HPSE2: variants seen among roughly 807,000 people sequenced by gnomAD.
HPSE2 encodes inactive heparanase-2.
Under a neutral mutation model 60.5 loss-of-function variants are expected in HPSE2, and 38 were observed. That is an observed-to-expected ratio of 0.63 (90% CI 0.48 to 0.82). HPSE2 has a LOEUF of 0.82. Among genes scored for constraint, HPSE2 ranks in the 40% least tolerant of loss-of-function variants. The pLI, the probability that HPSE2 is intolerant of heterozygous loss-of-function variation, is 0.00. For missense variants in HPSE2, 713 were observed against 740.4 expected (o/e 0.96, Z 0.43); for synonymous variants, 295 against 293.2 (o/e 1.01, Z -0.06).
rs185596902 is a variant in HPSE2, at chr10:98,832,812, T to C, written c.611-88756A>G. Among the ~76,000 whole-genome samples, 175 of 152,324 alleles carry C rather than the reference T, an allele frequency of 1.1e-3. 3 individuals are homozygous for C. Among genetic ancestry groups the C allele is most frequent in the African/African-American group, 3.9e-3 (163 of 41,572 alleles). ...AAAATGTGTATACTAGGTCATGAGC[T>C]AATTTTGCAAGAGAATATTATGTGA... On this transcript the variant is annotated intron_variant, in intron 3 of 11. Coordinates refer to ENST00000370552, the MANE Select transcript of HPSE2 (RefSeq NM_021828.5).
intron 2 of HPSE2, among the ~76,000 whole-genome samples, chr10:99,184,511 C>CA (rs1847896400): frequency 1.2e-5 from 1 of 85,280 alleles, no homozygotes; most frequent in Non-Finnish European, 2.1e-5. Context: ...GGCAACAGAG[C>CA]GAGACTGTCT....
At chr10:99,289,173 T>G in the HPSE2 span, among the ~76,000 whole-genome samples, 2 of 152,130 alleles carry the variant, frequency 1.3e-5, no homozygotes, top group African/African-American at 4.8e-5. Flanking sequence ...GCAGCTGATG[T>G]TTGAAACCAT....
At chr10:98,755,101 A>G (rs1431223471) in intron 3 of HPSE2, among the ~76,000 whole-genome samples, 3 of 152,094 alleles carry the variant, frequency 2.0e-5, no homozygotes, top group African/African-American at 7.2e-5. Context: ...AAGAAGCAAG[A>G]CCCAACTATA....
chr10:99,236,442 G>A (rs538605260), upstream of HPSE2, among the ~76,000 whole-genome samples: 1 of 152,218 alleles, frequency 6.6e-6, no homozygotes, highest in Non-Finnish European at 1.5e-5. Flanking sequence ...GACAGCGTCA[G>A]GCACTTCGTC....
intron 3 of HPSE2, among the ~76,000 whole-genome samples, chr10:98,925,749 T>TA (rs1954438935): frequency 1.3e-5 from 2 of 152,202 alleles, no homozygotes; most frequent in Non-Finnish European, 2.9e-5. Flanking sequence ...GGTTATTGTG[T>TA]AAAACCTTTC....
At chr10:98,693,035 G>A (rs375747669) in intron 6 of HPSE2, among the ~76,000 whole-genome samples, 3 of 152,204 alleles carry the variant, frequency 2.0e-5, no homozygotes, top group East Asian at 3.9e-4. Flanking sequence ...TCAAACAGAG[G>A]ATAGACAGAA....
Position 98,459,788 on chromosome 10 carries a change from G to A in HPSE2, c.1614-49C>T, listed in dbSNP as rs749956816. ...GGACTCATTATTGCATTATAAGGGA[G>A]CCACTGCAACAAAGCCTAGCCCCAG... On this transcript the variant is annotated intron_variant, in intron 11 of 11. Transcript: ENST00000370552. 8 of 1,556,172 alleles carry A rather than the reference G, an allele frequency of 5.1e-6. No individual in the cohort carries two copies. The South Asian group carries it at 9.3e-5, about 18-fold the overall frequency.
rs539195702 is a variant in HPSE2 at position 99,015,672 on chromosome 10, G to A, written c.610+128566C>T. 6.8e-3 allele frequency among the ~76,000 whole-genome samples: 1,038 copies of A among 151,824 alleles called. 17 individuals are homozygous for A. Among genetic ancestry groups the A allele is most frequent in the African/African-American group, 0.024 (995 of 41,362 alleles). On this transcript the variant is annotated intron_variant, in intron 3 of 11. Coordinates refer to ENST00000370552, the MANE Select transcript of HPSE2 (RefSeq NM_021828.5). ...ATCAAACACCGGGGCCTGTTGTGGG[G>A]TGGGGGGAGAGGGGAGGGATAGCAT...
intron 9 of HPSE2, among the ~76,000 whole-genome samples, chr10:98,526,333 G>A (rs1170067980): frequency 6.6e-6 from 1 of 152,188 alleles, no homozygotes; most frequent in African/African-American, 2.4e-5. Context: ...GAAATAGAAT[G>A]TGTGTAAGTC....
intron 3 of HPSE2, among the ~76,000 whole-genome samples, chr10:98,901,097 A>G (rs1195343238): frequency 6.6e-6 from 1 of 152,192 alleles, no homozygotes; most frequent in Non-Finnish European, 1.5e-5. Flanking sequence ...AAAGACCTCC[A>G]GACACAAAGA....
chr10:98,766,795 C>T (rs1950128802), intron 3 of HPSE2, among the ~76,000 whole-genome samples: 1 of 151,970 alleles, frequency 6.6e-6, no homozygotes, highest in East Asian at 1.9e-4. Context: ...CATGGTGGTG[C>T]ACACCTGTAG....
intron 3 of HPSE2, among the ~76,000 whole-genome samples, chr10:99,115,108 G>A (rs182941478): frequency 1.1e-4 from 17 of 151,262 alleles, no homozygotes; most frequent in East Asian, 1.9e-4. Context: ...CTGAGCCAAC[G>A]GGGAAGCTGG....
rs1185533747 is a variant in HPSE2 at position 98,744,016 on chromosome 10, A to T, written c.651T>A (p.Ser217=). Residue 217 remains serine, a synonymous_variant, in exon 4 of 12, where the codon TCT becomes TCA. Coordinates refer to ENST00000370552, the MANE Select transcript of HPSE2 (RefSeq NM_021828.5). Reference sequence around the variant, plus strand: ...TTAGAGCAAATATCAGGTGGAGTCCAGAGCAATCAGCAAAGTTATAAAGTT... The same window carrying T: ...TTAGAGCAAATATCAGGTGGAGTCCTGAGCAATCAGCAAAGTTATAAAGTT... ...LDKLYNFADC[S]GLHLIFALNA... is the part of the protein sequence containing the mutation. 6.2e-7 allele frequency: 1 copy of T among 1,614,058 alleles called. No individual in the cohort carries two copies. Among genetic ancestry groups the T allele is most frequent in the African/African-American group, 1.3e-5 (1 of 74,948 alleles).
the HPSE2 span, among the ~76,000 whole-genome samples, chr10:99,315,006 A>G: frequency 6.6e-6 from 1 of 152,258 alleles, no homozygotes; most frequent in Non-Finnish European, 1.5e-5. Context: ...CTTCAGGACC[A>G]GCACCAATTT....
intron 3 of HPSE2, among the ~76,000 whole-genome samples, chr10:98,894,945 G>T (rs371479921): frequency 6.6e-5 from 10 of 152,062 alleles, no homozygotes; most frequent in African/African-American, 2.4e-4. Context: ...AACAATGGAT[G>T]CCAAAAGATA....
intron 9 of HPSE2, among the ~76,000 whole-genome samples, chr10:98,605,727 A>C (rs1945561472): frequency 6.6e-6 from 1 of 152,220 alleles, no homozygotes; most frequent in Admixed American, 6.5e-5. Context: ...GGCAGGATAG[A>C]GCATCAGGTG....
chr10:99,130,913 C>T (rs1845359205), intron 3 of HPSE2, among the ~76,000 whole-genome samples: 2 of 151,992 alleles, frequency 1.3e-5, no homozygotes, highest in African/African-American at 4.8e-5. Flanking sequence ...AGTGAAAGAG[C>T]CAAGATGGAG....
chr10:98,943,642 C>G (rs1306197538), intron 3 of HPSE2, among the ~76,000 whole-genome samples: 1 of 152,238 alleles, frequency 6.6e-6, no homozygotes, highest in East Asian at 1.9e-4. Context: ...CTCTCTCCCC[C>G]TGCTGTCTCT....
intron 3 of HPSE2, among the ~76,000 whole-genome samples, chr10:98,872,359 A>G (rs1216156727): frequency 1.3e-5 from 2 of 152,132 alleles, no homozygotes; most frequent in African/African-American, 4.8e-5. Context: ...CATGAGATAT[A>G]TAATACCCAG....
Sources: gnomAD v4.1 joint callset for allele counts (sites outside exome capture counted in the v4.1 genomes callset) on GRCh38, gnomAD v4.1.1 for gene constraint, MANE v1.5 for transcripts, NCBI Gene and HGNC (gene_info 2026-07-23, HGNC 2026-07-21) for gene names.